The following MAMLD1 variants were observed in gnomAD, a reference collection of about 807,000 sequenced individuals.
MAMLD1 encodes mastermind-like domain-containing protein 1.
Under a neutral mutation model 45.0 loss-of-function variants are expected in MAMLD1, and 14 were observed. The observed-to-expected ratio is 0.31, with a 90% CI of 0.21 to 0.49. MAMLD1 has a LOEUF of 0.49. Among genes scored for constraint, MAMLD1 ranks in the 20% least tolerant of loss-of-function variants. The pLI, the probability that MAMLD1 is intolerant of heterozygous loss-of-function variation, is 0.99. For synonymous variants in MAMLD1, 254 were observed against 247.8 expected, an observed-to-expected ratio of 1.02 and a Z score of -0.24; for missense variants, 543 against 603.6, an observed-to-expected ratio of 0.90 and a Z score of 1.05.
chrX:150,447,353 C>G (rs1165711663), intron 2 of MAMLD1, among the ~76,000 whole-genome samples: 1 of 111,818 alleles, frequency 8.9e-6, no homozygotes, highest in Non-Finnish European at 1.9e-5. Flanking sequence ...TCAAGCTGTC[C>G]TAGAAGACCA....
intron 2 of MAMLD1, among the ~76,000 whole-genome samples, chrX:150,450,699 G>A (rs1296826292): frequency 3.6e-5 from 4 of 111,301 alleles, no homozygotes; most frequent in Non-Finnish European, 7.5e-5. Flanking sequence ...AATGATCAGA[G>A]GTTGGCATTG....
At chrX:150,482,325 A>T (rs1557407373) in intron 5 of MAMLD1, among the ~76,000 whole-genome samples, 1 of 112,149 alleles carries the variant, frequency 8.9e-6, no homozygotes, top group Non-Finnish European at 1.9e-5. Context: ...TCATGGAGAA[A>T]GGCAGATAGA....
Position 150,383,029 on chromosome X carries a change from C to T in MAMLD1, c.-64+19499C>T, listed in dbSNP as rs1162898730. Among the ~76,000 whole-genome samples the T allele has an allele frequency of 6.9e-5, 4 of 57,952 alleles. No homozygotes were observed. In the East Asian group the frequency reaches 1.5e-3, roughly 22 times the overall value. 50.3% of individuals were successfully genotyped at this position (57,952 alleles called of 115,157 possible). On this transcript the variant is annotated intron_variant, in intron 1 of 7. Transcript: ENST00000370401. ...ACGCCATTCTCCTGCCTCAGCCTCC[C>T]GAGTAGCTGGGACTACAGGCGCCCG...
At chrX:150,392,216 A>G (rs1458333487) in intron 1 of MAMLD1, among the ~76,000 whole-genome samples, 1 of 112,207 alleles carries the variant, frequency 8.9e-6, no homozygotes, top group Non-Finnish European at 1.9e-5. Flanking sequence ...AGAGCTGCCT[A>G]TTCTTCCTTA....
chrX:150,449,513 C>T (rs782691994), intron 2 of MAMLD1, among the ~76,000 whole-genome samples: 8 of 111,594 alleles, frequency 7.2e-5, no homozygotes, highest in African/African-American at 2.0e-4. Context: ...GTTTATGTGA[C>T]GGGGTTCAAG....
chrX:150,461,038 C>G (rs1557405597), intron 2 of MAMLD1, among the ~76,000 whole-genome samples: 1 of 112,971 alleles, frequency 8.9e-6, no homozygotes, highest in Admixed American at 9.3e-5. Flanking sequence ...AGCCAGAGGC[C>G]AGGTGGCAAT....
rs979539054 is a variant in MAMLD1 at position 150,425,750 on chromosome X, G to A, written c.-63-19704G>A. The stretch of plus-strand genomic sequence containing the variant: ...TCTCACAAGAATTTACAGTCTAGAG[G>A]AGGAATCAAATGCTAGACAAATACT... On this transcript the variant is annotated intron_variant, in intron 1 of 7. Transcript: ENST00000370401. 8.1e-5 allele frequency among the ~76,000 whole-genome samples: 9 copies of A among 111,732 alleles called. No individual in the cohort carries two copies. The Admixed American group carries it at 8.6e-4, about 11-fold the overall frequency.
chrX:150,417,608 T>G (rs199508380), intron 1 of MAMLD1, among the ~76,000 whole-genome samples: 1 of 108,182 alleles, frequency 9.2e-6, no homozygotes, highest in Non-Finnish European at 1.9e-5. Flanking sequence ...ATGGTTGAAC[T>G]AGTTTACAGT....
intron 2 of MAMLD1, among the ~76,000 whole-genome samples, chrX:150,462,488 A>G (rs373396694): frequency 4.5e-5 from 5 of 112,037 alleles, no homozygotes; most frequent in African/African-American, 1.6e-4. Context: ...GAATATGTCA[A>G]TAAGCACAGC....
Position 150,416,111 on chromosome X carries a change from T to C in MAMLD1, c.-63-29343T>C, listed in dbSNP as rs149398694. Among the ~76,000 whole-genome samples, 789 of 111,907 alleles carry C rather than the reference T, an allele frequency of 7.1e-3. 9 individuals are homozygous for C. Among genetic ancestry groups the C allele is most frequent in the African/African-American group, 0.024 (747 of 30,758 alleles). ...ATTGCACATGTGGCCTCAACAGTTATAAGCTTTGTCCAGGGGCATGTTTTC... is the reference window on the plus strand; with the variant it reads ...ATTGCACATGTGGCCTCAACAGTTACAAGCTTTGTCCAGGGGCATGTTTTC... On this transcript the variant is annotated intron_variant, in intron 1 of 7. Coordinates refer to ENST00000370401, the MANE Select transcript of MAMLD1 (RefSeq NM_005491.5).
intron 5 of MAMLD1, among the ~76,000 whole-genome samples, chrX:150,484,999 C>T (rs782473399): frequency 2.9e-4 from 32 of 111,899 alleles, no homozygotes; most frequent in Admixed American, 4.7e-4. Context: ...CTGAACTCAT[C>T]ACAGAGCACT....
At chrX:150,414,498 A>T (rs2034203585) in intron 1 of MAMLD1, among the ~76,000 whole-genome samples, 2 of 111,515 alleles carry the variant, frequency 1.8e-5, no homozygotes, top group African/African-American at 6.5e-5. Flanking sequence ...GGCAAGTCCC[A>T]GGGCTGCCTC....
intron 1 of MAMLD1, among the ~76,000 whole-genome samples, chrX:150,370,802 A>G (rs2031920779): frequency 8.9e-6 from 1 of 112,217 alleles, no homozygotes; most frequent in African/African-American, 3.2e-5. Context: ...CAAAGCAATC[A>G]GATATGAAAC....
At position 150,470,892 on chromosome X, in the gene MAMLD1, A is replaced by G. The variant is rs781917733; in HGVS notation, c.1319A>G (p.Gln440Arg). The change falls in exon 4 of 8, where the codon CAA becomes CGA. Residue 440 changes from glutamine to arginine, a missense_variant. Physicochemically the swap from Gln to Arg is conservative, Grantham distance 43. Transcript: ENST00000370401. ...NLMSSTIKTP[Q>R]GHLMSALPAS... ...ATGTCCTCTACCATCAAAACCCCTC[A>G]AGGACACCTGATGTCTGCTCTGCCT... 8.3e-7 allele frequency: 1 copy of G among 1,210,904 alleles called. No homozygotes were observed. The highest frequency in any genetic ancestry group is 1.7e-5 in the African/African-American group (1 of 57,504).
rs1478095611 is a variant in MAMLD1, at chrX:150,410,977, G to GT, written c.-63-34469dup. On this transcript the variant is annotated intron_variant, in intron 1 of 7. Transcript: ENST00000370401. The stretch of plus-strand genomic sequence containing the variant: ...GTAAACTTTGTTAAAACATTATGAA[G>GT]TTTTTTTTGATTTTTTTAGCTCATC... Among the ~76,000 whole-genome samples the GT allele has an allele frequency of 8.5e-5, 8 of 94,600 alleles. No homozygotes were observed. The East Asian group carries it at 1.5e-3, about 17-fold the overall frequency. 82.1% of individuals were successfully genotyped at this position (94,600 alleles called of 115,157 possible).
At chrX:150,440,024 A>G (rs2035245254) in intron 1 of MAMLD1, among the ~76,000 whole-genome samples, 3 of 111,747 alleles carry the variant, frequency 2.7e-5, no homozygotes, top group Admixed American at 9.5e-5. Flanking sequence ...TACCAGTGCT[A>G]CATTGTTTTG....
chrX:150,447,148 G>A lies in MAMLD1; in HGVS notation c.96+1536G>A, dbSNP rs897535820. Among the ~76,000 whole-genome samples, 11 of 112,657 alleles carry A rather than the reference G, an allele frequency of 9.8e-5. No individual in the cohort carries two copies. In the East Asian group the frequency reaches 2.2e-3, roughly 23 times the overall value. On this transcript the variant is annotated intron_variant, in intron 2 of 7. Transcript: ENST00000370401. ...CTCTGGAAAAGTTGTCATTGCTTACGTCATTTCCAGGCTTGGCTTCTCTTT... is the reference window on the plus strand; with the variant it reads ...CTCTGGAAAAGTTGTCATTGCTTACATCATTTCCAGGCTTGGCTTCTCTTT...
chrX:150,404,760 A>G (rs2033956711), intron 1 of MAMLD1, among the ~76,000 whole-genome samples: 1 of 111,888 alleles, frequency 8.9e-6, no homozygotes, highest in African/African-American at 3.3e-5. Flanking sequence ...TATAAATGCA[A>G]CCATAGAATA....
At chrX:150,391,870 G>A (rs1342106005) in intron 1 of MAMLD1, among the ~76,000 whole-genome samples, 2 of 111,976 alleles carry the variant, frequency 1.8e-5, no homozygotes, top group East Asian at 5.6e-4. Flanking sequence ...AAAGTGTAAT[G>A]TAAGGGCCAG....
Sources: allele counts gnomAD v4.1 joint callset (sites outside exome capture counted in the v4.1 genomes callset), GRCh38; gene constraint gnomAD v4.1.1; transcripts MANE v1.5; gene names NCBI Gene and HGNC (gene_info 2026-07-23, HGNC 2026-07-21).